The following USH2A variants were observed in gnomAD, a reference collection of about 807,000 sequenced individuals.
The protein encoded by USH2A is usherin.
In USH2A, 443 loss-of-function variants were observed where a neutral mutation model predicts 538.9. The observed-to-expected ratio is 0.82, with a 90% CI of 0.76 to 0.89. The LOEUF is 0.89. Among genes scored for constraint, USH2A ranks in the 40% least tolerant of loss-of-function variants. The pLI is 0.00. For missense variants in USH2A, 6,633 were observed against 6,324.8 expected (o/e 1.05, Z -1.65); for synonymous variants, 2,413 against 2,273.5 (o/e 1.06, Z -1.75).
rs984948672 is a variant in USH2A at position 215,884,160 on chromosome 1, A to G, written c.8223+4266T>C. Among the ~76,000 whole-genome samples, 8 of 152,188 alleles carry G rather than the reference A, an allele frequency of 5.3e-5. No homozygotes were observed. The South Asian group carries it at 1.5e-3, about 28-fold the overall frequency. ...AGATGAGGGTTTGATAGGTGCAACA[A>G]ATCACCATGGCACATGTATACCTAT... On this transcript the variant is annotated intron_variant, in intron 41 of 71. Coordinates refer to ENST00000307340, the MANE Select transcript of USH2A (RefSeq NM_206933.4).
intron 61 of USH2A, among the ~76,000 whole-genome samples, chr1:215,724,880 G>A (rs17025239): frequency 0.17 from 26,480 of 152,090 alleles, 2,889 homozygotes; most frequent in South Asian, 0.42. Context: ...ATAATTTGTT[G>A]GACCCTGAAG....
Position 215,732,544 on chromosome 1 carries a change from C to CTTTTTTTTTTTTT in USH2A, c.11712-4173_11712-4161dup, listed in dbSNP as rs141549439. Among the ~76,000 whole-genome samples, 91 of 73,592 alleles carry CTTTTTTTTTTTTT rather than the reference C, an allele frequency of 1.2e-3. 1 individual carries two copies. Among genetic ancestry groups the CTTTTTTTTTTTTT allele is most frequent in the African/African-American group, 3.2e-3 (53 of 16,336 alleles). 48.3% of individuals were successfully genotyped at this position (73,592 alleles called of 152,430 possible). A position where few individuals can be genotyped will look rare whatever the true frequency, so the allele number is the denominator to read the frequency against. On this transcript the variant is annotated intron_variant, in intron 60 of 71. Coordinates refer to ENST00000307340, the MANE Select transcript of USH2A (RefSeq NM_206933.4). ...TCTTTCTTATTCTCCTTTTTTCTTT[C>CTTTTTTTTTTTTT]TTTTTTTTTTTTTTTTTTTTTTTTT...
intron 14 of USH2A, among the ~76,000 whole-genome samples, chr1:216,225,288 C>G (rs987757571): frequency 6.6e-6 from 1 of 152,094 alleles, no homozygotes; most frequent in Non-Finnish European, 1.5e-5. Flanking sequence ...AAAAAGAACC[C>G]ACTTTTATCT....
intron 60 of USH2A, among the ~76,000 whole-genome samples, chr1:215,737,703 TA>T (rs1207031825): frequency 6.6e-6 from 1 of 151,982 alleles, no homozygotes; most frequent in African/African-American, 2.4e-5. Context: ...TCTATATAAA[TA>T]TTCATATCTA....
At chr1:216,181,576 G>T (rs536711366) in intron 20 of USH2A, among the ~76,000 whole-genome samples, 10 of 152,176 alleles carry the variant, frequency 6.6e-5, no homozygotes, top group Non-Finnish European at 1.5e-4. Context: ...ACAATAATTT[G>T]CACAAAACTA....
At chr1:216,105,903 GT>G (rs1436001234) in intron 21 of USH2A, among the ~76,000 whole-genome samples, 5 of 151,536 alleles carry the variant, frequency 3.3e-5, no homozygotes, top group Non-Finnish European at 7.4e-5. Flanking sequence ...TTGCTAGTAT[GT>G]TCAATTAATT....
At chr1:215,764,574 GAA>G (rs111384264) in intron 56 of USH2A, among the ~76,000 whole-genome samples, 392 of 152,216 alleles carry the variant, frequency 2.6e-3, no homozygotes, top group African/African-American at 9.3e-3. Flanking sequence ...TTCTTAGATT[GAA>G]AATGAGAGGC....
At chr1:216,065,716 G>T (rs1479998547) in intron 30 of USH2A, among the ~76,000 whole-genome samples, 2 of 151,968 alleles carry the variant, frequency 1.3e-5, no homozygotes, top group Non-Finnish European at 2.9e-5. Context: ...GGCCAACATG[G>T]TGAAACTCCA....
chr1:216,348,070 A>T (rs1329244686), intron 4 of USH2A, among the ~76,000 whole-genome samples: 2 of 152,164 alleles, frequency 1.3e-5, no homozygotes, highest in Non-Finnish European at 2.9e-5. Flanking sequence ...TTTTCTTTTA[A>T]GCTATTTACA....
chr1:215,759,024 G>A (rs527671695), intron 57 of USH2A, among the ~76,000 whole-genome samples: 23 of 152,280 alleles, frequency 1.5e-4, no homozygotes, highest in African/African-American at 5.3e-4. Flanking sequence ...GGAGTGTGCT[G>A]GTGGATTGTG....
At chr1:215,760,879 C>G (rs1660962058) in intron 56 of USH2A, among the ~76,000 whole-genome samples, 2 of 152,186 alleles carry the variant, frequency 1.3e-5, no homozygotes, top group African/African-American at 2.4e-5. Context: ...TCTTGGCCTT[C>G]CATATTCCAT....
chr1:215,772,435 C>T (rs1385385498), intron 55 of USH2A, among the ~76,000 whole-genome samples: 1 of 152,152 alleles, frequency 6.6e-6, no homozygotes, highest in Non-Finnish European at 1.5e-5. Flanking sequence ...ATTACTGTGG[C>T]TGCAAATTAC....
At position 215,728,582 on chromosome 1, in the gene USH2A, G is replaced by GACACACACACACACACACACAC. The variant is rs1311988583; in HGVS notation, c.11712-220_11712-199dup. On this transcript the variant is annotated intron_variant, in intron 60 of 71. Coordinates refer to ENST00000307340, the MANE Select transcript of USH2A (RefSeq NM_206933.4). ...TCCATATCATTTTTAAAGTGTAGTT[G>GACACACACACACACACACACAC]ACACACACACACACACACACACACG... Among the ~76,000 whole-genome samples the GACACACACACACACACACACAC allele has an allele frequency of 3.6e-3, 532 of 148,570 alleles. 8 individuals are homozygous for GACACACACACACACACACACAC. Among genetic ancestry groups the GACACACACACACACACACACAC allele is most frequent in the African/African-American group, 0.01 (404 of 40,176 alleles).
intron 32 of USH2A, among the ~76,000 whole-genome samples, chr1:216,023,466 A>AAAAAAAAAAAAAAAAAAAAAAAAAAAT: frequency 9.3e-6 from 1 of 108,036 alleles, no homozygotes; most frequent in East Asian, 2.2e-4. Flanking sequence ...AGACAAAAAA[A>AAAAAAAAAAAAAAAAAAAAAAAAAAAT]AAAAAAAAAA....
rs188763674 is a variant in USH2A at position 215,743,744 on chromosome 1, C to T, written c.11390-409G>A. On this transcript the variant is annotated intron_variant, in intron 58 of 71. Coordinates refer to ENST00000307340, the MANE Select transcript of USH2A (RefSeq NM_206933.4). The stretch of plus-strand genomic sequence containing the variant: ...CTGAGGCAGGAGAATCGCTTGAACC[C>T]GGGAGGCAGAGGTTGCAGTGAGCTG... Among the ~76,000 whole-genome samples, 1,177 of 149,652 alleles carry T rather than the reference C, an allele frequency of 7.9e-3. 40 individuals carry two copies. Among genetic ancestry groups the T allele is most frequent in the Admixed American group, 0.055 (819 of 14,916 alleles).
At chr1:216,077,814 T>C (rs2031801738) in intron 27 of USH2A, among the ~76,000 whole-genome samples, 1 of 150,922 alleles carries the variant, frequency 6.6e-6, no homozygotes, top group South Asian at 2.1e-4. Context: ...ATATGTCACA[T>C]TAATAATAAT....
At chr1:215,686,026 G>A (rs1658413936) in intron 61 of USH2A, among the ~76,000 whole-genome samples, 1 of 152,102 alleles carries the variant, frequency 6.6e-6, no homozygotes, top group South Asian at 2.1e-4. Context: ...TATGTGCTAG[G>A]CAGCATCACC....
chr1:216,120,249 A>AAAAAAAAAAAAAAAAC (rs2033101913), intron 21 of USH2A, among the ~76,000 whole-genome samples: 1 of 134,796 alleles, frequency 7.4e-6, no homozygotes, highest in Non-Finnish European at 1.6e-5. Context: ...AAAAAAAAAA[A>AAAAAAAAAAAAAAAAC]AATGGCTGGG....
At chr1:216,207,491 T>G (rs1572051272) in intron 15 of USH2A, 60 bp from the exon 16 acceptor site, 2 of 1,599,374 alleles carry the variant, frequency 1.3e-6, no homozygotes, top group East Asian at 4.5e-5. Flanking sequence ...AAAAGCAAAC[T>G]GAAGTAAGAT....
Sources: gnomAD v4.1 joint callset for allele counts (sites outside exome capture counted in the v4.1 genomes callset) on GRCh38, gnomAD v4.1.1 for gene constraint, MANE v1.5 for transcripts, NCBI Gene and HGNC (gene_info 2026-07-23, HGNC 2026-07-21) for gene names.